The following MYO15A variants were observed in gnomAD, a reference collection of about 807,000 sequenced individuals.
MYO15A encodes myosin XVA.
MYO15A carries 308 observed loss-of-function variants against 394.6 expected under a neutral mutation model. The observed-to-expected ratio is 0.78, with a 90% CI of 0.71 to 0.86. MYO15A has a LOEUF of 0.86. MYO15A is among the 40% of genes least tolerant of loss of function. MYO15A has a pLI of 0.00. For synonymous variants in MYO15A, 1,957 were observed against 2,003.8 expected, an observed-to-expected ratio of 0.98 and a Z score of 0.62; for missense variants, 4,606 against 4,799.1, an observed-to-expected ratio of 0.96 and a Z score of 1.19.
rs781441930 is a variant in MYO15A, at chr17:18,120,615, G to A, written c.1815G>A (p.Ala605=). 4 of 1,597,336 alleles carry A rather than the reference G, an allele frequency of 2.5e-6. No individual in the cohort carries two copies. Among genetic ancestry groups the A allele is most frequent in the African/African-American group, 2.7e-5 (2 of 74,636 alleles). ...CGGGCGGCCCTGCTGTCAGGGAGGC[G>A]GCCTACAAACGCTTCGGCTACAAGC... The part of the protein sequence containing the change: ...ARAGGPAVRE[A]AYKRFGYKLA... Residue 605 remains alanine, a synonymous_variant, in exon 2 of 66, where the codon GCG becomes GCA. Transcript: ENST00000647165.
At position 18,172,199 on chromosome 17, in the gene MYO15A, T is replaced by C. The variant is rs781467308; in HGVS notation, c.10259T>C (p.Phe3420Ser). ...ALPMFGSSFF[F>S]IQSCSNIAVP... ...CCTATGTTCGGCTCCTCCTTCTTCT[T>C]CATCCAGAGCTGCAGCAACATTGCT... Residue 3420 changes from phenylalanine to serine, a missense_variant, in exon 64 of 66, where the codon TTC (phenylalanine) becomes TCC (serine). Physicochemically the swap from Phe to Ser is radical, Grantham distance 155. This residue lies in a region of MYO15A where 2,776 missense variants were observed against 3,109.3 expected (regional missense o/e 0.89). Transcript: ENST00000647165. 6.2e-7 allele frequency: 1 copy of C among 1,614,222 alleles called. No homozygotes were observed. Among genetic ancestry groups the C allele is most frequent in the East Asian group, 2.2e-5 (1 of 44,886 alleles).
At chr17:18,163,186 G>C in intron 58 of MYO15A, 58 bp from the exon 59 acceptor site, 1 of 1,563,536 alleles carries the variant, frequency 6.4e-7, no homozygotes, top group Non-Finnish European at 8.8e-7. Flanking sequence ...CAGGAGACAA[G>C]GGCTGTCCCA....
intron 58 of MYO15A, among the ~76,000 whole-genome samples, 158 bp from the exon 59 acceptor site, chr17:18,163,084 CAG>C (rs2046799323): frequency 6.6e-6 from 1 of 152,314 alleles, no homozygotes; most frequent in African/African-American, 2.4e-5. Flanking sequence ...GCATTGCACT[CAG>C]GGGCTTGCAG....
rs1242119914 is a variant in MYO15A, at chr17:18,120,165, C to T, written c.1365C>T (p.Ala455=). The part of the protein sequence containing the change: ...RQGTSFRLPS[A]AFFEQQGMDK... ...GGACCTCCTTCCGCCTGCCCAGCGC[C>T]GCCTTCTTCGAGCAGCAAGGCATGG... The change falls in exon 2 of 66, where the codon GCC becomes GCT. Residue 455 remains alanine, a synonymous_variant. Transcript: ENST00000647165. 1.9e-6 allele frequency: 3 copies of T among 1,612,900 alleles called. No individual in the cohort carries two copies. Among genetic ancestry groups the T allele is most frequent in the Admixed American group, 1.7e-5 (1 of 60,022 alleles).
chr17:18,178,853 G>A lies in MYO15A; in HGVS notation c.10576G>A (p.Glu3526Lys), dbSNP rs753630497. The A allele has an allele frequency of 4.3e-6, 7 of 1,613,170 alleles. No individual in the cohort carries two copies. The highest frequency in any genetic ancestry group is 2.7e-5 in the African/African-American group (2 of 74,874). Residue 3526 changes from glutamate (E) to lysine (K), a missense_variant, in exon 66 of 66, where the codon GAG becomes AAG. By Grantham distance (56) the Glu-to-Lys change is moderately conservative. Coordinates refer to ENST00000647165, the MANE Select transcript of MYO15A (RefSeq NM_016239.4). ...GAAGCGGCTCACATTGCCCCCCAGCGAGATCACCCTGCTCTGACCCAGCCC... is the reference window on the plus strand; with the variant it reads ...GAAGCGGCTCACATTGCCCCCCAGCAAGATCACCCTGCTCTGACCCAGCCC... ...HEKRLTLPPS[E>K]ITLL
Position 18,178,908 on chromosome 17 carries a change from C to T in MYO15A, c.*38C>T, listed in dbSNP as rs1373677709. The T allele has an allele frequency of 1.9e-6, 3 of 1,591,024 alleles. No individual in the cohort carries two copies. Among genetic ancestry groups the T allele is most frequent in the Non-Finnish European group, 2.6e-6 (3 of 1,164,388 alleles). ...CCCTCCAGTACCTTCTGCCAGAAGA[C>T]TCACTGTGTGGCCTCAGAGAAATCA... is the stretch of plus-strand genomic sequence containing the variant. On this transcript the variant is annotated 3_prime_UTR_variant, in exon 66 of 66. Coordinates refer to ENST00000647165, the MANE Select transcript of MYO15A (RefSeq NM_016239.4).
rs551538916 is a variant in MYO15A, at chr17:18,137,923, G to T, written c.4876-192G>T. 4.5e-5 allele frequency: 40 copies of T among 893,426 alleles called. No homozygotes were observed. The South Asian group carries it at 6.2e-4, about 14-fold the overall frequency. 55.3% of individuals were successfully genotyped at this position (893,426 alleles called of 1,614,324 possible). A position where few individuals can be genotyped will look rare whatever the true frequency, so the allele number is the denominator to read the frequency against. ...GGTCCTTCTTCTCCTCTACTGGGCTGTCCCAGGCAGAGGGAGCAGCAGGAC... is the reference window on the plus strand; with the variant it reads ...GGTCCTTCTTCTCCTCTACTGGGCTTTCCCAGGCAGAGGGAGCAGCAGGAC... On this transcript the variant is annotated intron_variant, in intron 16 of 65. Transcript: ENST00000647165.
At chr17:18,129,136 T>A (rs1451721682) in intron 7 of MYO15A, among the ~76,000 whole-genome samples, 1 of 152,230 alleles carries the variant, frequency 6.6e-6, no homozygotes, top group Non-Finnish European at 1.5e-5. Context: ...CCTCCCAACA[T>A]TTCAGAAATG....
Position 18,146,225 on chromosome 17 carries a change from A to G in MYO15A, c.6509+118A>G, listed in dbSNP as rs1385395037. ...GATCTCTATGCTGGGAAGCTCAGGC[A>G]TGGAGGCTGGCCAGGGCTGCTCTGC... On this transcript the variant is annotated intron_variant, in intron 30 of 65. Coordinates refer to ENST00000647165, the MANE Select transcript of MYO15A (RefSeq NM_016239.4). 5.4e-6 allele frequency: 6 copies of G among 1,118,654 alleles called. No homozygotes were observed. The East Asian group carries it at 1.3e-4, about 24-fold the overall frequency. 69.3% of individuals were successfully genotyped at this position (1,118,654 alleles called of 1,614,324 possible). A position where few individuals can be genotyped will look rare whatever the true frequency, so the allele number is the denominator to read the frequency against.
intron 12 of MYO15A, among the ~76,000 whole-genome samples, chr17:18,134,622 C>A (rs2046230986): frequency 6.6e-6 from 1 of 152,178 alleles, no homozygotes; most frequent in Admixed American, 6.5e-5. Flanking sequence ...GTGGCTCATG[C>A]CTGTAATCCC....
intron 1 of MYO15A, among the ~76,000 whole-genome samples, chr17:18,111,433 ACT>A (rs2045720509): frequency 6.6e-6 from 1 of 152,174 alleles, no homozygotes; most frequent in Non-Finnish European, 1.5e-5. Context: ...GTTCCACTTA[ACT>A]CTGCGAACCC....
chr17:18,138,153 C>T lies in MYO15A; in HGVS notation c.4914C>T (p.Ile1638=), dbSNP rs2046313849. 6.2e-7 allele frequency: 1 copy of T among 1,613,428 alleles called. No individual in the cohort carries two copies. The highest frequency in any genetic ancestry group is 1.3e-5 in the African/African-American group (1 of 75,044). Residue 1638 remains isoleucine, a synonymous_variant, in exon 17 of 66, where the codon ATC becomes ATT. Transcript: ENST00000647165. ...YIREQIDWQE[I]TFADNQPCIN... is the part of the protein sequence containing the mutation. ...GTGAGCAGATAGACTGGCAGGAGAT[C>T]ACCTTTGCTGACAACCAGCCCTGCA...
At chr17:18,158,903 T>G in intron 52 of MYO15A, 22 bp from the exon 53 acceptor site, 1 of 1,613,942 alleles carries the variant, frequency 6.2e-7, no homozygotes, top group South Asian at 1.1e-5. Context: ...GACAGGTCAG[T>G]AGCACCCACC....
Position 18,150,616 on chromosome 17 carries a change from C to A in MYO15A, c.7327+73C>A, listed in dbSNP as rs2046562250. ...ACTTGCTGGTGTGCTAGAATGGAGG[C>A]AGCCACAGCATGATGGGGGCTGAGA... On this transcript the variant is annotated intron_variant, in intron 36 of 65. Transcript: ENST00000647165. The surrounding 1 kb of genome is among the most constrained non-coding windows in gnomAD (Gnocchi z 4.4). 13 of 1,608,634 alleles carry A rather than the reference C, an allele frequency of 8.1e-6. No homozygotes were observed. The highest frequency in any genetic ancestry group is 1.0e-5 in the Non-Finnish European group (12 of 1,176,340).
At chr17:18,131,750 G>A (rs551626957) in intron 10 of MYO15A, among the ~76,000 whole-genome samples, 2 of 152,092 alleles carry the variant, frequency 1.3e-5, no homozygotes, top group East Asian at 1.9e-4. Flanking sequence ...CTCCTGCCAG[G>A]GCCTTTGCAC....
At chr17:18,116,846 G>A (rs1338580894) in intron 1 of MYO15A, among the ~76,000 whole-genome samples, 6 of 152,018 alleles carry the variant, frequency 3.9e-5, no homozygotes, top group African/African-American at 1.5e-4. Context: ...CTTGAACCCG[G>A]GAGGCGGAGG....
At chr17:18,140,892 T>C in intron 21 of MYO15A, 60 bp downstream of exon 21, 1 of 1,613,404 alleles carries the variant, frequency 6.2e-7, no homozygotes, top group African/African-American at 1.3e-5. Flanking sequence ...TGTGTGACCT[T>C]GGGCAAGTGG....
intron 15 of MYO15A, 47 bp from the exon 16 acceptor site, chr17:18,137,537 T>C (rs778453733): frequency 1.3e-6 from 2 of 1,579,144 alleles, no homozygotes; most frequent in East Asian, 2.2e-5. Context: ...GCAAACAGGC[T>C]GGTGGCCAAG....
intron 41 of MYO15A, 41 bp downstream of exon 41, chr17:18,151,992 G>A: frequency 6.5e-7 from 1 of 1,545,886 alleles, no homozygotes. Context: ...TGGAACAGAA[G>A]ACAAAGAGGG....
Sources: allele counts gnomAD v4.1 joint callset (sites outside exome capture counted in the v4.1 genomes callset), GRCh38; gene constraint gnomAD v4.1.1; regional missense constraint gnomAD v4.1.1; non-coding constraint Gnocchi (gnomAD v3.1); transcripts MANE v1.5; gene names NCBI Gene and HGNC (gene_info 2026-07-23, HGNC 2026-07-21).